The following SRC variants were observed in gnomAD, a reference collection of about 807,000 sequenced individuals.
SRC encodes SRC proto-oncogene, non-receptor tyrosine kinase, also known as proto-oncogene tyrosine-protein kinase Src.
A neutral mutation model predicts 62.9 loss-of-function variants in SRC; 13 were observed. That is an observed-to-expected ratio of 0.21 (90% CI 0.13 to 0.33). The LOEUF (loss-of-function observed/expected upper bound fraction) is 0.33. SRC is among the 10% of genes least tolerant of loss of function. The pLI is 1.00. For missense variants in SRC, 457 were observed against 737.3 expected, an observed-to-expected ratio of 0.62 and a Z score of 4.40; for synonymous variants, 302 against 317.5, an observed-to-expected ratio of 0.95 and a Z score of 0.52.
intron 5 of SRC, among the ~76,000 whole-genome samples, chr20:37,387,599 T>A (rs1347894538): frequency 1.3e-5 from 2 of 152,230 alleles, no homozygotes; most frequent in Non-Finnish European, 2.9e-5. Flanking sequence ...CCCCCTTGCA[T>A]GGCCGAGTCC....
intron 2 of SRC, 85 bp from the exon 3 acceptor site, chr20:37,382,534 C>G (rs2070381016): frequency 6.6e-6 from 1 of 152,220 alleles, no homozygotes; most frequent in South Asian, 2.1e-4. Flanking sequence ...GAACAGTGAT[C>G]AGAGAGTGGG....
Position 37,402,533 on chromosome 20 carries a change from G to A in SRC, c.1215G>A (p.Val405=). Residue 405 remains valine (V), a synonymous_variant, in exon 12 of 14, where the codon GTG becomes GTA. Transcript: ENST00000373578. This position sits in a 1 kb window ranked among gnomAD's most constrained non-coding sequence, Gnocchi z 6.2. ...ILVGENLVCK[V]ADFGLARLIE... is the part of the protein sequence containing the mutation. Reference sequence around the variant, plus strand: ...TGGGAGAGAACCTGGTGTGCAAAGTGGCGGACTTTGGGCTGGCTCGGCTCA... The same window carrying A: ...TGGGAGAGAACCTGGTGTGCAAAGTAGCGGACTTTGGGCTGGCTCGGCTCA... The A allele has an allele frequency of 1.2e-6, 2 of 1,614,056 alleles. No homozygotes were observed. Among genetic ancestry groups the A allele is most frequent in the Middle Eastern group, 1.7e-4 (1 of 6,060 alleles).
intron 11 of SRC, 48 bp downstream of exon 11, chr20:37,401,726 C>G: frequency 1.4e-6 from 2 of 1,467,038 alleles, no homozygotes; most frequent in Non-Finnish European, 1.9e-6. Context: ...CTCAAGCACC[C>G]AGACCCATCT....
rs143468883 is a variant in SRC, at chr20:37,398,388, C to T, written c.859+534C>T. Among the ~76,000 whole-genome samples the T allele has an allele frequency of 1.9e-3, 286 of 152,350 alleles. 1 individual carries two copies. The Middle Eastern group carries it at 0.02, about 11-fold the overall frequency. ...GACAAAACCCAGGCCCCTCTTCCAC[C>T]GGATGCTTTCTGCTCACACGGAGGG... On this transcript the variant is annotated intron_variant, in intron 9 of 13. Transcript: ENST00000373578. The surrounding 1 kb of genome is among the most constrained non-coding windows in gnomAD (Gnocchi z 5.2).
Position 37,396,255 on chromosome 20 carries a change from A to G in SRC, c.647A>G (p.Tyr216Cys). 1 of 1,613,922 alleles carries G rather than the reference A, an allele frequency of 6.2e-7. No individual in the cohort carries two copies. The highest frequency in any genetic ancestry group is 1.1e-5 in the South Asian group (1 of 91,082). The change falls in exon 8 of 14, where the codon TAC becomes TGC. Residue 216 changes from tyrosine to cysteine, a missense_variant. By Grantham distance (194) the Tyr-to-Cys change is radical. Transcript: ENST00000373578. The surrounding 1 kb of genome is among the most constrained non-coding windows in gnomAD (Gnocchi z 6.1). ...KIRKLDSGGF[Y>C]ITSRTQFNSL... ...CGCAAGCTGGACAGCGGCGGCTTCT[A>G]CATCACCTCCCGCACCCAGTTCAAC...
intron 2 of SRC, among the ~76,000 whole-genome samples, chr20:37,373,408 CAT>C (rs1382276577): frequency 7.0e-6 from 1 of 142,904 alleles, no homozygotes; most frequent in African/African-American, 2.8e-5. Context: ...TATATATACG[CAT>C]ATATACGCAT....
At chr20:37,359,291 G>T (rs1261917024) in intron 1 of SRC, among the ~76,000 whole-genome samples, 2 of 152,272 alleles carry the variant, frequency 1.3e-5, no homozygotes, top group Non-Finnish European at 2.9e-5. Flanking sequence ...TAGAGCTGCA[G>T]ATAGCAAGGA....
Position 37,394,285 on chromosome 20 carries a change from C to G in SRC, c.553+8C>G. 1 of 1,612,332 alleles carries G rather than the reference C, an allele frequency of 6.2e-7. No homozygotes were observed. Among genetic ancestry groups the G allele is most frequent in the Non-Finnish European group, 8.5e-7 (1 of 1,178,736 alleles). On this transcript the variant is annotated splice_region_variant and intron_variant, in intron 7 of 13. Transcript: ENST00000373578. The stretch of plus-strand genomic sequence containing the variant: ...AAAGTGAGACCACGAAAGGTACGAG[C>G]GCTCTTGCTGGCCAACGGATACTGA...
intron 2 of SRC, among the ~76,000 whole-genome samples, chr20:37,373,043 C>A (rs1207566397): frequency 6.6e-6 from 1 of 151,636 alleles, no homozygotes; most frequent in African/African-American, 2.4e-5. Context: ...TACACATATA[C>A]ACATATATAC....
Position 37,405,581 on chromosome 20 carries a change from T to C in SRC, c.*2202T>C, listed in dbSNP as rs2147136235. On this transcript the variant is annotated 3_prime_UTR_variant, in exon 14 of 14. Transcript: ENST00000373578. Reference sequence around the variant, plus strand: ...CAGATTGGAGACAGCTACGGCAGAATGTGGCTGTTTGTGAACATCTGCACC... The same window carrying C: ...CAGATTGGAGACAGCTACGGCAGAACGTGGCTGTTTGTGAACATCTGCACC... The C allele has an allele frequency of 5.8e-6, 1 of 173,844 alleles. No individual in the cohort carries two copies. Among genetic ancestry groups the C allele is most frequent in the East Asian group, 1.0e-4 (1 of 10,034 alleles). The allele number at this position is 173,844 out of a possible 1,614,324, so 10.8% of individuals were successfully genotyped here. A position where few individuals can be genotyped will look rare whatever the true frequency, so the allele number is the denominator to read the frequency against.
chr20:37,383,093 T>G (rs961638163), intron 3 of SRC, among the ~76,000 whole-genome samples: 1 of 152,140 alleles, frequency 6.6e-6, no homozygotes, highest in Non-Finnish European at 1.5e-5. Context: ...GTGAACAAGA[T>G]GAACAAAAGC....
Position 37,403,385 on chromosome 20 carries a change from G to C in SRC, c.*6G>C, listed in dbSNP as rs1318461244. ...AGCCCGGGGAGAACCTCTAGGCACA[G>C]GCGGGCCCAGACCGGCTTCTCGGCT... On this transcript the variant is annotated 3_prime_UTR_variant, in exon 14 of 14. Coordinates refer to ENST00000373578, the MANE Select transcript of SRC (RefSeq NM_198291.3). The surrounding 1 kb of genome is among the most constrained non-coding windows in gnomAD (Gnocchi z 7.1). The C allele has an allele frequency of 1.9e-6, 3 of 1,580,996 alleles. No individual in the cohort carries two copies. Among genetic ancestry groups the C allele is most frequent in the Non-Finnish European group, 2.6e-6 (3 of 1,164,854 alleles).
Position 37,360,218 on chromosome 20 carries a change from C to CTT in SRC, c.-246-4967_-246-4966dup, listed in dbSNP as rs61476973. On this transcript the variant is annotated intron_variant, in intron 1 of 13. Transcript: ENST00000373578. Reference sequence around the variant, plus strand: ...AATTTCTTTCTCTTTCTCTCTCTCTCTTTTTTTTTTTTTTTTTTTTGGTGA... The same window carrying CTT: ...AATTTCTTTCTCTTTCTCTCTCTCTCTTTTTTTTTTTTTTTTTTTTTTGGTGA... Among the ~76,000 whole-genome samples, 419 of 105,600 alleles carry CTT rather than the reference C, an allele frequency of 4.0e-3. 10 individuals are homozygous for CTT. Among genetic ancestry groups the CTT allele is most frequent in the Non-Finnish European group, 4.5e-3 (251 of 55,848 alleles). 69.3% of individuals were successfully genotyped at this position (105,600 alleles called of 152,430 possible). A position where few individuals can be genotyped will look rare whatever the true frequency, so the allele number is the denominator to read the frequency against.
chr20:37,371,150 G>A (rs1394677460), intron 2 of SRC, among the ~76,000 whole-genome samples: 2 of 151,866 alleles, frequency 1.3e-5, no homozygotes, highest in East Asian at 1.9e-4. Flanking sequence ...CACCACGCCC[G>A]GCTAATTTTT....
intron 1 of SRC, among the ~76,000 whole-genome samples, chr20:37,363,170 G>A (rs1568622369): frequency 6.6e-6 from 1 of 152,224 alleles, no homozygotes; most frequent in South Asian, 2.1e-4. Context: ...ACTGTGGGAA[G>A]GGCCACTGTT....
chr20:37,357,203 T>G (rs1033198734), intron 1 of SRC, among the ~76,000 whole-genome samples: 2 of 152,184 alleles, frequency 1.3e-5, no homozygotes, highest in East Asian at 3.9e-4. Context: ...TTGCCCCTTC[T>G]CTTCACTCAG....
intron 1 of SRC, among the ~76,000 whole-genome samples, chr20:37,363,443 G>T (rs2070009291): frequency 6.6e-6 from 1 of 152,144 alleles, no homozygotes; most frequent in South Asian, 2.1e-4. Context: ...CCCTTGCTGT[G>T]CTCCTCACAG....
In SRC at chr20:37,396,114, G is replaced by GC. The variant is rs2070642132; in HGVS notation, c.554-47dup. On this transcript the variant is annotated intron_variant, in intron 7 of 13. Transcript: ENST00000373578. This position sits in a 1 kb window ranked among gnomAD's most constrained non-coding sequence, Gnocchi z 6.1. ...AGAACGGTGTCCAGAGCAGCGGCCTGCGGGGGGAGAGGGCATGGCGGTCAC... is the reference window on the plus strand; with the variant it reads ...AGAACGGTGTCCAGAGCAGCGGCCTGCCGGGGGGAGAGGGCATGGCGGTCAC... 2 of 1,597,764 alleles carry GC rather than the reference G, an allele frequency of 1.3e-6. No homozygotes were observed. Among genetic ancestry groups the GC allele is most frequent in the Non-Finnish European group, 1.7e-6 (2 of 1,174,412 alleles).
chr20:37,396,232 C>A lies in SRC; in HGVS notation c.624C>A (p.Arg208=). 4 of 1,614,112 alleles carry A rather than the reference C, an allele frequency of 2.5e-6. No homozygotes were observed. The highest frequency in any genetic ancestry group is 3.4e-6 in the Non-Finnish European group (4 of 1,180,022). Reference sequence around the variant, plus strand: ...TCAACGTGAAGCACTACAAGATCCGCAAGCTGGACAGCGGCGGCTTCTACA... The same window carrying A: ...TCAACGTGAAGCACTACAAGATCCGAAAGCTGGACAGCGGCGGCTTCTACA... ...KGLNVKHYKI[R]KLDSGGFYIT... Residue 208 remains arginine (R), a synonymous_variant, in exon 8 of 14, where the codon CGC becomes CGA. Transcript: ENST00000373578. This position sits in a 1 kb window ranked among gnomAD's most constrained non-coding sequence, Gnocchi z 6.1.
Sources: gnomAD v4.1 joint callset for allele counts (sites outside exome capture counted in the v4.1 genomes callset) on GRCh38, gnomAD v4.1.1 for gene constraint, Gnocchi (gnomAD v3.1) non-coding constraint, MANE v1.5 for transcripts, NCBI Gene and HGNC (gene_info 2026-07-23, HGNC 2026-07-21) for gene names.